ENOX1: variants seen among roughly 807,000 people sequenced by gnomAD.
ENOX1 encodes the protein ecto-NOX disulfide-thiol exchanger 1.
In ENOX1, 42 loss-of-function variants were observed where a neutral mutation model predicts 82.5. That is an observed-to-expected ratio of 0.51 (90% CI 0.40 to 0.66). The LOEUF (loss-of-function observed/expected upper bound fraction) is 0.66. Among genes scored for constraint, ENOX1 ranks in the 30% least tolerant of loss-of-function variants. The pLI is 0.00. For missense variants in ENOX1, 608 were observed against 811.6 expected (o/e 0.75, Z 3.05); for synonymous variants, 271 against 282.2 (o/e 0.96, Z 0.40).
At chr13:43,309,104 C>T (rs1263539465) in intron 11 of ENOX1, among the ~76,000 whole-genome samples, 1 of 151,598 alleles carries the variant, frequency 6.6e-6, no homozygotes, top group African/African-American at 2.4e-5. Context: ...TCGCTGCAAC[C>T]TCTGCCTCCC....
intron 9 of ENOX1, among the ~76,000 whole-genome samples, chr13:43,329,497 G>A (rs2048306414): frequency 6.6e-6 from 1 of 152,114 alleles, no homozygotes; most frequent in Non-Finnish European, 1.5e-5. Flanking sequence ...ATTTACTTTT[G>A]GACGTATTGA....
chr13:43,470,188 GTGTGTATATATATA>G lies in ENOX1; in HGVS notation c.-75+13807_-75+13820del, dbSNP rs1228151064. 5.0e-4 allele frequency among the ~76,000 whole-genome samples: 72 copies of G among 144,462 alleles called. 3 individuals carry two copies. Among genetic ancestry groups the G allele is most frequent in the African/African-American group, 1.4e-3 (53 of 38,812 alleles). The allele number at this position is 144,462 out of a possible 152,430, so 94.8% of individuals were successfully genotyped here. On this transcript the variant is annotated intron_variant, in intron 3 of 16. Coordinates refer to ENST00000690772, the MANE Select transcript of ENOX1 (RefSeq NM_001347969.2). ...TATAAAGTTTTCAAACTATATGTGT[GTGTGTATATATATA>G]TGTGTATATATATATGTGTGTGTAT...
chr13:43,588,357 C>T (rs2081087629), intron 2 of ENOX1, among the ~76,000 whole-genome samples: 1 of 152,152 alleles, frequency 6.6e-6, no homozygotes, highest in African/African-American at 2.4e-5. Flanking sequence ...TCACATTACT[C>T]TTTAAGATCT....
At chr13:43,470,788 A>G (rs1218767047) in intron 3 of ENOX1, among the ~76,000 whole-genome samples, 3 of 152,122 alleles carry the variant, frequency 2.0e-5, no homozygotes, top group East Asian at 3.9e-4. Flanking sequence ...CATATTAGTC[A>G]TCAAGGAAAA....
At chr13:43,313,911 G>A (rs938759419) in intron 11 of ENOX1, among the ~76,000 whole-genome samples, 2 of 152,098 alleles carry the variant, frequency 1.3e-5, no homozygotes, top group African/African-American at 4.8e-5. Flanking sequence ...ACTGCTTTGA[G>A]CTGCAATGAC....
intron 1 of ENOX1, among the ~76,000 whole-genome samples, chr13:43,782,620 G>A (rs191306367): frequency 1.3e-5 from 2 of 152,074 alleles, no homozygotes; most frequent in African/African-American, 2.4e-5. Context: ...TCTCCAATCA[G>A]TCAATGTCAA....
intron 14 of ENOX1, among the ~76,000 whole-genome samples, chr13:43,257,709 T>C (rs895385378): frequency 2.6e-5 from 4 of 152,344 alleles, no homozygotes; most frequent in African/African-American, 9.6e-5. Flanking sequence ...TTTATATGTA[T>C]GTATATTGGC....
chr13:43,659,505 T>G (rs576336029), intron 2 of ENOX1, among the ~76,000 whole-genome samples: 1 of 152,114 alleles, frequency 6.6e-6, no homozygotes, highest in East Asian at 1.9e-4. Flanking sequence ...AAAAAAAATT[T>G]TCTTCTTCCT....
At chr13:43,666,089 C>T (rs1269658586) in intron 2 of ENOX1, among the ~76,000 whole-genome samples, 1 of 151,804 alleles carries the variant, frequency 6.6e-6, no homozygotes, top group Admixed American at 6.6e-5. Context: ...AAAATGAACA[C>T]ACCTTAATTT....
At chr13:43,499,304 T>G (rs1014200410) in intron 2 of ENOX1, among the ~76,000 whole-genome samples, 1 of 152,040 alleles carries the variant, frequency 6.6e-6, no homozygotes, top group South Asian at 2.1e-4. Flanking sequence ...AAGTATAGAC[T>G]ATAGTTAATT....
intron 1 of ENOX1, among the ~76,000 whole-genome samples, chr13:43,750,122 C>A (rs1470420019): frequency 6.6e-6 from 1 of 152,132 alleles, no homozygotes; most frequent in Non-Finnish European, 1.5e-5. Context: ...ACACAGAGGT[C>A]TCCCTTGGAG....
intron 3 of ENOX1, among the ~76,000 whole-genome samples, chr13:43,475,792 A>G (rs1336289984): frequency 1.2e-5 from 1 of 82,584 alleles, no homozygotes; most frequent in Non-Finnish European, 2.6e-5. Flanking sequence ...AACATAACTG[A>G]CCAAAAAAAA....
intron 2 of ENOX1, among the ~76,000 whole-genome samples, chr13:43,615,057 T>C (rs1401543740): frequency 6.6e-6 from 1 of 152,194 alleles, no homozygotes; most frequent in Non-Finnish European, 1.5e-5. Flanking sequence ...GTGGTAGGAT[T>C]CTTATGTACA....
At chr13:43,389,870 G>C (rs2052661409) in intron 5 of ENOX1, among the ~76,000 whole-genome samples, 1 of 152,264 alleles carries the variant, frequency 6.6e-6, no homozygotes, top group East Asian at 1.9e-4. Context: ...GGAAACAATG[G>C]CTGTCCTATT....
At chr13:43,664,114 A>G (rs2084863352) in intron 2 of ENOX1, among the ~76,000 whole-genome samples, 1 of 152,182 alleles carries the variant, frequency 6.6e-6, no homozygotes, top group Non-Finnish European at 1.5e-5. Context: ...TAATATAATA[A>G]TTACATTCTA....
At chr13:43,707,189 A>G (rs2087352764) in intron 1 of ENOX1, among the ~76,000 whole-genome samples, 1 of 152,200 alleles carries the variant, frequency 6.6e-6, no homozygotes, top group Non-Finnish European at 1.5e-5. Context: ...TAAATAGAGA[A>G]AAAACATAAT....
intron 1 of ENOX1, among the ~76,000 whole-genome samples, chr13:43,713,272 C>T (rs940315837): frequency 9.2e-5 from 14 of 152,184 alleles, no homozygotes; most frequent in Admixed American, 5.2e-4. Flanking sequence ...CCCACTTGAT[C>T]ATGGTGGATG....
chr13:43,470,342 G>A lies in ENOX1; in HGVS notation c.-75+13667C>T, dbSNP rs1229155587. On this transcript the variant is annotated intron_variant, in intron 3 of 16. Coordinates refer to ENST00000690772, the MANE Select transcript of ENOX1 (RefSeq NM_001347969.2). ...CACATATATATATGTATATATATAC[G>A]TATATATATATGTATATATATACGT... is the stretch of plus-strand genomic sequence containing the variant. 3.3e-4 allele frequency among the ~76,000 whole-genome samples: 14 copies of A among 43,052 alleles called. 1 individual carries two copies. Among genetic ancestry groups the A allele is most frequent in the East Asian group, 1.3e-3 (2 of 1,558 alleles). 28.2% of individuals were successfully genotyped at this position (43,052 alleles called of 152,430 possible).
chr13:43,708,289 C>T (rs182167635), intron 1 of ENOX1, among the ~76,000 whole-genome samples: 26 of 152,242 alleles, frequency 1.7e-4, no homozygotes, highest in Admixed American at 1.1e-3. Context: ...CAGGCCATTG[C>T]GCATGTCGAC....
Sources: gnomAD v4.1 joint callset for allele counts (sites outside exome capture counted in the v4.1 genomes callset) on GRCh38, gnomAD v4.1.1 for gene constraint, MANE v1.5 for transcripts, NCBI Gene and HGNC (gene_info 2026-07-23, HGNC 2026-07-21) for gene names.